INHBA: variants seen among roughly 807,000 people sequenced by gnomAD.
The protein encoded by INHBA is inhibin subunit beta A, also known as inhibin beta A chain.
In INHBA, 1 loss-of-function variant was observed where a neutral mutation model predicts 29.0. The ratio of observed to expected loss-of-function variants is 0.03; its 90% CI spans 0.01 to 0.16. The LOEUF is 0.16. Ranked by LOEUF, INHBA falls within the 10% of genes least tolerant of loss-of-function variation. INHBA has a pLI of 1.00. For missense variants in INHBA, 376 were observed against 545.4 expected, an observed-to-expected ratio of 0.69 and a Z score of 3.09; for synonymous variants, 242 against 216.8, an observed-to-expected ratio of 1.12 and a Z score of -1.02.
chr7:41,696,072 C>T (rs1454865006), intron 2 of INHBA, among the ~76,000 whole-genome samples: 2 of 152,138 alleles, frequency 1.3e-5, no homozygotes, highest in Non-Finnish European at 2.9e-5. Context: ...TCCACACCCT[C>T]AGTTCGGAAA....
At chr7:41,697,477 G>A (rs2128670718) in intron 2 of INHBA, among the ~76,000 whole-genome samples, 1 of 152,210 alleles carries the variant, frequency 6.6e-6, no homozygotes, top group South Asian at 2.1e-4. Flanking sequence ...CTGTAGCCAG[G>A]CCTTGGCTTT....
chr7:41,694,368 C>G (rs1322056599), intron 2 of INHBA, among the ~76,000 whole-genome samples: 1 of 152,112 alleles, frequency 6.6e-6, no homozygotes, highest in Non-Finnish European at 1.5e-5. Flanking sequence ...TCAAGATGCC[C>G]CAATCCTCCA....
chr7:41,695,145 C>T (rs566092177), intron 2 of INHBA, among the ~76,000 whole-genome samples: 1 of 152,290 alleles, frequency 6.6e-6, no homozygotes, highest in Admixed American at 6.5e-5. Context: ...GCAACACACA[C>T]ATGCAGTGTT....
Position 41,690,457 on chromosome 7 carries a change from G to A in INHBA, c.474C>T (p.Phe158=). 1.2e-6 allele frequency: 2 copies of A among 1,613,990 alleles called. No individual in the cohort carries two copies. The highest frequency in any genetic ancestry group is 1.7e-6 in the Non-Finnish European group (2 of 1,180,032). The change falls in exon 3 of 3, where the codon TTC becomes TTT. Residue 158 remains phenylalanine, a synonymous_variant. Coordinates refer to ENST00000242208, the MANE Select transcript of INHBA (RefSeq NM_002192.4). ...SVVERAEVWL[F]LKVPKANRTR... is the part of the protein sequence containing the mutation. ...TCCTGTTGGCCTTGGGGACTTTTAG[G>A]AAGAGCCAGACTTCTGCACGCTCCA...
rs1176310633 is a variant in INHBA at position 41,685,218 on chromosome 7, A to C, written c.*4432T>G. On this transcript the variant is annotated 3_prime_UTR_variant, in exon 3 of 3. Transcript: ENST00000242208. ...ACAAAATATTGACTGCATGCCTCGC[A>C]AACACCAAAATATCCGCTGGAATGC... The C allele has an allele frequency of 2.0e-5, 3 of 152,176 alleles. No homozygotes were observed. The highest frequency in any genetic ancestry group is 4.4e-5 in the Non-Finnish European group (3 of 67,990). The allele number at this position is 152,176 out of a possible 1,614,324, so 9.4% of individuals were successfully genotyped here. A position where few individuals can be genotyped will look rare whatever the true frequency, so the allele number is the denominator to read the frequency against.
chr7:41,695,245 G>A (rs181738190), intron 2 of INHBA, among the ~76,000 whole-genome samples: 445 of 152,346 alleles, frequency 2.9e-3, no homozygotes, highest in Non-Finnish European at 5.6e-3. Context: ...TAATGTGAAT[G>A]TGGAAAGCCT....
intron 2 of INHBA, among the ~76,000 whole-genome samples, chr7:41,693,475 G>T (rs957206945): frequency 7.2e-5 from 11 of 152,196 alleles, no homozygotes; most frequent in Admixed American, 6.5e-4. Flanking sequence ...CTTTTTTAGG[G>T]CCAGAGAGGC....
Position 41,700,117 on chromosome 7 carries a change from C to T in INHBA, c.258G>A (p.Ala86=), listed in dbSNP as rs780556409. 8 of 1,614,100 alleles carry T rather than the reference C, an allele frequency of 5.0e-6. No homozygotes were observed. Among genetic ancestry groups the T allele is most frequent in the Non-Finnish European group, 6.8e-6 (8 of 1,180,024 alleles). The change falls in exon 2 of 3, where the codon GCG becomes GCA. Residue 86 remains alanine (A), a synonymous_variant. Coordinates refer to ENST00000242208, the MANE Select transcript of INHBA (RefSeq NM_002192.4). The stretch of plus-strand genomic sequence containing the variant: ...CTTTGCCCACATGAAGCTTTCTGAT[C>T]GCGTTCAGAAGCGCCGCCTTGGGTA... ...QPVPKAALLN[A]IRKLHVGKVG... is the part of the protein sequence containing the mutation.
chr7:41,685,744 C>T lies in INHBA; in HGVS notation c.*3906G>A, dbSNP rs1794381953. ...TAATATAGCTGAGACATGTGGTTTG[C>T]TTCTGCTCTTGAAGATGTGAACAGC... On this transcript the variant is annotated 3_prime_UTR_variant, in exon 3 of 3. Transcript: ENST00000242208. 6.6e-6 allele frequency: 1 copy of T among 152,076 alleles called. No individual in the cohort carries two copies. Among genetic ancestry groups the T allele is most frequent in the African/African-American group, 2.4e-5 (1 of 41,434 alleles). 9.4% of individuals were successfully genotyped at this position (152,076 alleles called of 1,614,324 possible).
At chr7:41,699,488 G>A (rs749396011) in intron 2 of INHBA, among the ~76,000 whole-genome samples, 5 of 152,130 alleles carry the variant, frequency 3.3e-5, no homozygotes, top group African/African-American at 4.8e-5. Flanking sequence ...GACTTTTAAA[G>A]GGGAAGGTTT....
chr7:41,698,659 C>G (rs917030151), intron 2 of INHBA, among the ~76,000 whole-genome samples: 1 of 152,078 alleles, frequency 6.6e-6, no homozygotes, highest in Non-Finnish European at 1.5e-5. Context: ...GGTGAGAGAG[C>G]CAAACTGGGA....
At chr7:41,698,990 G>A (rs979725506) in intron 2 of INHBA, among the ~76,000 whole-genome samples, 3 of 152,176 alleles carry the variant, frequency 2.0e-5, no homozygotes, top group East Asian at 3.9e-4. Flanking sequence ...AAAGTAACAC[G>A]GTATTAACAC....
rs2128668591 is a variant in INHBA, at chr7:41,686,673, A to C, written c.*2977T>G. ...CAATATCCAATTAAAATATGGAATAAGTTTCAAATAAAATATGGAATTACA... is the reference window on the plus strand; with the variant it reads ...CAATATCCAATTAAAATATGGAATACGTTTCAAATAAAATATGGAATTACA... On this transcript the variant is annotated 3_prime_UTR_variant, in exon 3 of 3. Transcript: ENST00000242208. 1 of 152,336 alleles carries C rather than the reference A, an allele frequency of 6.6e-6. No homozygotes were observed. The highest frequency in any genetic ancestry group is 2.4e-5 in the African/African-American group (1 of 41,578). The allele number at this position is 152,336 out of a possible 1,614,324, so 9.4% of individuals were successfully genotyped here. A position where few individuals can be genotyped will look rare whatever the true frequency, so the allele number is the denominator to read the frequency against.
intron 2 of INHBA, among the ~76,000 whole-genome samples, chr7:41,692,994 G>A (rs1794556205): frequency 6.6e-6 from 1 of 152,192 alleles, no homozygotes; most frequent in African/African-American, 2.4e-5. Context: ...CTAGCCTGGA[G>A]GGTGTGCAGG....
chr7:41,699,248 C>G lies in INHBA; in HGVS notation c.388+739G>C, dbSNP rs537104054. Among the ~76,000 whole-genome samples the G allele has an allele frequency of 3.3e-5, 5 of 152,228 alleles. No homozygotes were observed. In the South Asian group the frequency reaches 1.0e-3, roughly 32 times the overall value. ...CAAGGTTGCGTTCCTTGGCAGAGAGCTCTTAGTAACTTTAGAAAGAACAAA... is the reference window on the plus strand; with the variant it reads ...CAAGGTTGCGTTCCTTGGCAGAGAGGTCTTAGTAACTTTAGAAAGAACAAA... On this transcript the variant is annotated intron_variant, in intron 2 of 2. Transcript: ENST00000242208.
At chr7:41,704,596 G>A (rs1794869038), upstream of INHBA, among the ~76,000 whole-genome samples, 1 of 134,690 alleles carries the variant, frequency 7.4e-6, no homozygotes, top group Non-Finnish European at 1.5e-5. Flanking sequence ...CATCCCCTCC[G>A]CCTCCACACA....
chr7:41,690,671 A>G (rs1347480885), intron 2 of INHBA, 129 bp from the exon 3 acceptor site: 1 of 1,189,548 alleles, frequency 8.4e-7, no homozygotes, highest in Non-Finnish European at 1.1e-6. Flanking sequence ...TCAACAAATG[A>G]CAGCCCATGG....
chr7:41,699,936 TACCCTCCC>T, intron 2 of INHBA, 43 bp downstream of exon 2: 1 of 366,324 alleles, frequency 2.7e-6, no homozygotes, highest in South Asian at 3.3e-5. Context: ...AAATATATTT[TACCCTCCC>T]ACCCCCCACC....
intron 2 of INHBA, among the ~76,000 whole-genome samples, chr7:41,695,257 G>A (rs774723564): frequency 3.3e-5 from 5 of 152,170 alleles, no homozygotes; most frequent in Admixed American, 6.5e-5. Flanking sequence ...GGAAAGCCTC[G>A]TTGTTTATAG....
Sources: allele counts gnomAD v4.1 joint callset (sites outside exome capture counted in the v4.1 genomes callset), GRCh38; gene constraint gnomAD v4.1.1; transcripts MANE v1.5; gene names NCBI Gene and HGNC (gene_info 2026-07-23, HGNC 2026-07-21).